Variants in GET1 observed in about 807,000 individuals in gnomAD.
GET1 encodes the protein congenital heart disease 5 protein.
In GET1, 20 loss-of-function variants were observed where a neutral mutation model predicts 22.6. The observed-to-expected ratio is 0.89, with a 90% CI of 0.62 to 1.29. The LOEUF is 1.29. GET1 is among the 50% of genes most tolerant of loss of function. GET1 has a pLI of 0.00. For missense variants in GET1, 209 were observed against 219.9 expected, an observed-to-expected ratio of 0.95 and a Z score of 0.31; for synonymous variants, 92 against 83.8, an observed-to-expected ratio of 1.10 and a Z score of -0.53.
downstream of GET1, among the ~76,000 whole-genome samples, chr21:39,411,302 G>A (rs1317460613): frequency 1.3e-5 from 2 of 152,032 alleles, no homozygotes; most frequent in African/African-American, 2.4e-5. Flanking sequence ...TGGCTCCATC[G>A]GTATAAACAT....
At chr21:39,380,676 T>C (rs1008811487) in intron 1 of GET1, 190 bp downstream of exon 1, 1 of 1,410,484 alleles carries the variant, frequency 7.1e-7, no homozygotes, top group Non-Finnish European at 9.2e-7. Context: ...AATCAGACTT[T>C]CTGGGTTCTA....
At chr21:39,407,912 T>C (rs533168186), downstream of GET1, 1 of 152,334 alleles carries the variant, frequency 6.6e-6, no homozygotes, top group Admixed American at 6.5e-5. Context: ...GAGAGTGGCT[T>C]TGCCGGTGAG....
At chr21:39,387,765 A>G in intron 1 of GET1, 1 of 980,724 alleles carries the variant, frequency 1.0e-6, no homozygotes, top group Non-Finnish European at 1.2e-6. Flanking sequence ...AACCACGCGC[A>G]TGCGCAGACA....
chr21:39,410,383 A>G (rs1257658863), downstream of GET1: 1 of 1,326,830 alleles, frequency 7.5e-7, no homozygotes, highest in Non-Finnish European at 1.1e-6. Flanking sequence ...GAACAGGTAG[A>G]TTATATGTAA....
rs560728523 is a variant in GET1, at chr21:39,397,873, G to C, written c.*934G>C. On this transcript the variant is annotated 3_prime_UTR_variant, in exon 5 of 5. Transcript: ENST00000649170. ...AACTGAGTCACCATATCCCAGTAAA[G>C]CTGAATTTTCTCACTAGTTTCTGCA... 6.6e-6 allele frequency: 1 copy of C among 152,288 alleles called. No homozygotes were observed. The highest frequency in any genetic ancestry group is 1.9e-4 in the East Asian group (1 of 5,188). 9.4% of individuals were successfully genotyped at this position (152,288 alleles called of 1,614,324 possible). A position where few individuals can be genotyped will look rare whatever the true frequency, so the allele number is the denominator to read the frequency against.
downstream of GET1, chr21:39,408,517 C>T (rs2147117770): frequency 6.6e-6 from 1 of 152,474 alleles, no homozygotes; most frequent in Non-Finnish European, 1.5e-5. Flanking sequence ...TCCATTAGAC[C>T]TCCAGGTCCC....
intron 1 of GET1, chr21:39,386,133 T>A (rs1349805236): frequency 6.6e-6 from 1 of 152,298 alleles, no homozygotes; most frequent in Non-Finnish European, 1.5e-5. Flanking sequence ...CAACTTTTTC[T>A]AAATTATCCT....
intron 4 of GET1, among the ~76,000 whole-genome samples, chr21:39,403,565 G>A (rs1183313860): frequency 2.1e-5 from 3 of 145,762 alleles, no homozygotes; most frequent in African/African-American, 5.2e-5. Context: ...TTCATGATCC[G>A]CCCGCCTCGG....
chr21:39,386,511 G>T, intron 1 of GET1: 1 of 152,490 alleles, frequency 6.6e-6, no homozygotes, highest in South Asian at 2.1e-4. Flanking sequence ...CGCCCTTGCC[G>T]GTAGGGTTCC....
At chr21:39,409,197 A>G (rs1443824753), downstream of GET1, among the ~76,000 whole-genome samples, 1 of 152,160 alleles carries the variant, frequency 6.6e-6, no homozygotes, top group Non-Finnish European at 1.5e-5. This position sits in a 1 kb window ranked among gnomAD's most constrained non-coding sequence, Gnocchi z 4.2. Context: ...GCACTAAGGA[A>G]ACGCCACATG....
downstream of GET1, among the ~76,000 whole-genome samples, chr21:39,409,185 G>A (rs1045286077): frequency 7.2e-5 from 11 of 152,060 alleles, no homozygotes; most frequent in Non-Finnish European, 1.3e-4. The surrounding 1 kb of genome is among the most constrained non-coding windows in gnomAD (Gnocchi z 4.2). Flanking sequence ...CTCCTCGTGC[G>A]AGCACTAAGG....
chr21:39,392,535 G>GT, intron 3 of GET1, among the ~76,000 whole-genome samples: 1 of 152,278 alleles, frequency 6.6e-6, no homozygotes, highest in South Asian at 2.1e-4. Flanking sequence ...AGACAAAGGA[G>GT]TTAGGCCAGC....
chr21:39,387,945 A>G (rs901623380), intron 1 of GET1: 4 of 776,674 alleles, frequency 5.2e-6, no homozygotes, highest in Non-Finnish European at 6.3e-6. Context: ...TTATTAATCT[A>G]TTTTTAAAAT....
At chr21:39,418,318 T>C (rs1213640038) in intron 1 of GET1, among the ~76,000 whole-genome samples, 2 of 152,136 alleles carry the variant, frequency 1.3e-5, no homozygotes, top group East Asian at 1.9e-4. Context: ...TATTCCATAG[T>C]AGTACATCAA....
intron 4 of GET1, among the ~76,000 whole-genome samples, chr21:39,394,953 T>A (rs555483813): frequency 1.3e-5 from 2 of 152,132 alleles, no homozygotes; most frequent in Admixed American, 1.3e-4. Flanking sequence ...CACTACAGCC[T>A]GGAACTCCTT....
downstream of GET1, among the ~76,000 whole-genome samples, chr21:39,402,864 A>C (rs2038874093): frequency 6.6e-6 from 1 of 152,140 alleles, no homozygotes; most frequent in Non-Finnish European, 1.5e-5. Flanking sequence ...TAATACTCAG[A>C]GATAAAAAGT....
chr21:39,387,745 G>A, intron 1 of GET1: 1 of 985,494 alleles, frequency 1.0e-6, no homozygotes, highest in Non-Finnish European at 1.2e-6. Flanking sequence ...GCATCACTGG[G>A]CGGGTCAGAA....
intron 1 of GET1, among the ~76,000 whole-genome samples, chr21:39,387,385 A>G (rs912923671): frequency 6.6e-5 from 10 of 152,142 alleles, no homozygotes; most frequent in Non-Finnish European, 1.5e-4. Flanking sequence ...ATTGAAGTGT[A>G]ATTTGTATAA....
chr21:39,410,139 A>G (rs771995264), downstream of GET1: 9 of 1,394,248 alleles, frequency 6.5e-6, no homozygotes, highest in South Asian at 1.1e-4. Context: ...TGGGGGGTCT[A>G]GATAACTTAA....
Sources: gnomAD v4.1 joint callset for allele counts (sites outside exome capture counted in the v4.1 genomes callset) on GRCh38, gnomAD v4.1.1 for gene constraint, Gnocchi (gnomAD v3.1) non-coding constraint, MANE v1.5 for transcripts, NCBI Gene and HGNC (gene_info 2026-07-23, HGNC 2026-07-21) for gene names.